Variants in RELN observed in about 807,000 individuals in gnomAD.
RELN encodes the protein reelin.
RELN carries 108 observed loss-of-function variants against 427.6 expected under a neutral mutation model. That is an observed-to-expected ratio of 0.25 (90% CI 0.22 to 0.30). The LOEUF (loss-of-function observed/expected upper bound fraction) is 0.30. Among genes scored for constraint, RELN ranks in the 10% least tolerant of loss-of-function variants. The pLI is 1.00. For missense variants in RELN, 3,715 were observed against 4,302.8 expected (o/e 0.86, Z 3.82); for synonymous variants, 1,524 against 1,513.4 (o/e 1.01, Z -0.16).
chr7:103,786,238 G>A (rs1018452984), intron 3 of RELN, among the ~76,000 whole-genome samples: 55 of 152,008 alleles, frequency 3.6e-4, no homozygotes, highest in African/African-American at 1.3e-3. Flanking sequence ...ATACTAAGGA[G>A]AGATAATCAC....
intron 1 of RELN, among the ~76,000 whole-genome samples, chr7:103,931,743 C>G (rs1795870142): frequency 6.6e-6 from 1 of 152,198 alleles, no homozygotes; most frequent in Admixed American, 6.5e-5. Flanking sequence ...GGATGTCATA[C>G]TTCTGCCTCT....
chr7:103,891,551 C>T (rs1220062185), intron 2 of RELN, among the ~76,000 whole-genome samples: 3 of 151,992 alleles, frequency 2.0e-5, no homozygotes, highest in Non-Finnish European at 4.4e-5. Context: ...AGCTTTTTGG[C>T]GAATTTCTGC....
intron 1 of RELN, among the ~76,000 whole-genome samples, chr7:103,943,682 C>A (rs1348782187): frequency 6.6e-6 from 1 of 151,748 alleles, no homozygotes; most frequent in Non-Finnish European, 1.5e-5. Context: ...GAAACCCTGT[C>A]TCTACTAAAG....
Position 103,540,380 on chromosome 7 carries a change from C to T in RELN, c.6747G>A (p.Gln2249=), listed in dbSNP as rs1197417084. Residue 2249 remains glutamine (Q), a synonymous_variant, in exon 44 of 65, where the codon CAG becomes CAA. Coordinates refer to ENST00000428762, the MANE Select transcript of RELN (RefSeq NM_005045.4). ...ACGAGAGGCCACCGTTGAGAGAATA[C>T]TGTAGGAGCACGGGTTGACTCCTGG... ...PDPRSQPVLL[Q]YSLNGGLSWS... The T allele has an allele frequency of 1.9e-6, 3 of 1,614,148 alleles. No individual in the cohort carries two copies. The highest frequency in any genetic ancestry group is 2.5e-6 in the Non-Finnish European group (3 of 1,180,024).
intron 52 of RELN, among the ~76,000 whole-genome samples, chr7:103,502,405 G>GT (rs1321091404): frequency 1.3e-5 from 2 of 152,164 alleles, no homozygotes; most frequent in African/African-American, 4.8e-5. Flanking sequence ...TTTCTTTTGT[G>GT]TATCTTTACT....
At chr7:103,698,239 A>C (rs1040832933) in intron 9 of RELN, 146 bp from the exon 10 acceptor site, 56 of 998,158 alleles carry the variant, frequency 5.6e-5, no homozygotes, top group Non-Finnish European at 7.9e-5. Context: ...ATAGCCCTTA[A>C]ATCTTTTAAT....
At chr7:103,930,868 A>ATGTGTG (rs60265174) in intron 1 of RELN, among the ~76,000 whole-genome samples, 12,363 of 141,818 alleles carry the variant, frequency 0.087, 589 homozygotes, top group East Asian at 0.21. Flanking sequence ...GTGTGAGCAT[A>ATGTGTG]TGTGTGTGTG....
intron 1 of RELN, among the ~76,000 whole-genome samples, chr7:103,938,140 G>A (rs1382210100): frequency 6.6e-6 from 1 of 152,030 alleles, no homozygotes; most frequent in Non-Finnish European, 1.5e-5. Flanking sequence ...GGCCAACATG[G>A]TAAAACCCTG....
At chr7:103,746,418 G>T (rs1218585489) in intron 6 of RELN, among the ~76,000 whole-genome samples, 1 of 151,936 alleles carries the variant, frequency 6.6e-6, no homozygotes, top group East Asian at 1.9e-4. Flanking sequence ...TTGACAAATG[G>T]GATCTAATTA....
chr7:103,528,964 C>T (rs192697782), intron 46 of RELN, among the ~76,000 whole-genome samples: 119 of 151,748 alleles, frequency 7.8e-4, no homozygotes, highest in African/African-American at 2.8e-3. Flanking sequence ...GGTGAAACCC[C>T]GTCTCTACTA....
At chr7:103,739,880 C>T (rs998889678) in intron 6 of RELN, among the ~76,000 whole-genome samples, 2 of 152,170 alleles carry the variant, frequency 1.3e-5, no homozygotes, top group Non-Finnish European at 2.9e-5. Flanking sequence ...AAAAGATGCC[C>T]ATGGCCCAGG....
rs778110918 is a variant in RELN, at chr7:103,519,313, G to T, written c.7862+10C>A. 6.2e-7 allele frequency: 1 copy of T among 1,603,390 alleles called. No individual in the cohort carries two copies. Among genetic ancestry groups the T allele is most frequent in the Non-Finnish European group, 8.5e-7 (1 of 1,170,354 alleles). ...TGTACTCGTTATTAGATATCAAATC[G>T]AATACAAACCCGGGCTTACTGTACT... On this transcript the variant is annotated intron_variant, in intron 49 of 64. Coordinates refer to ENST00000428762, the MANE Select transcript of RELN (RefSeq NM_005045.4).
At chr7:103,523,865 C>T (rs1048270660) in intron 46 of RELN, among the ~76,000 whole-genome samples, 1 of 151,932 alleles carries the variant, frequency 6.6e-6, no homozygotes, top group Non-Finnish European at 1.5e-5. Context: ...TTAGGGGAGA[C>T]AGAGTTTCAC....
chr7:103,720,221 A>G (rs1790043200), intron 8 of RELN, among the ~76,000 whole-genome samples: 1 of 151,532 alleles, frequency 6.6e-6, no homozygotes, highest in South Asian at 2.1e-4. Flanking sequence ...GAACTGAGAG[A>G]GTATTGCTGC....
intron 36 of RELN, among the ~76,000 whole-genome samples, chr7:103,558,571 G>A (rs968206891): frequency 3.3e-5 from 5 of 152,160 alleles, no homozygotes; most frequent in Non-Finnish European, 7.3e-5. Flanking sequence ...AGTTAAATAA[G>A]GCATAACTAA....
intron 24 of RELN, among the ~76,000 whole-genome samples, chr7:103,602,904 A>G (rs941419579): frequency 6.6e-6 from 1 of 152,140 alleles, no homozygotes; most frequent in African/African-American, 2.4e-5. Flanking sequence ...TGCTGCCCAT[A>G]ACCTCTAAGC....
chr7:103,551,946 T>TGC (rs1562886676), intron 40 of RELN, among the ~76,000 whole-genome samples: 18 of 150,206 alleles, frequency 1.2e-4, no homozygotes, highest in Admixed American at 6.0e-4. Flanking sequence ...TGGGTGTGTG[T>TGC]GTGTGTGTGT....
rs146740807 is a variant in RELN, at chr7:103,607,365, G to C, written c.3009-2882C>G. Among the ~76,000 whole-genome samples, 311 of 152,280 alleles carry C rather than the reference G, an allele frequency of 2.0e-3. 3 individuals carry two copies. The highest frequency in any genetic ancestry group is 6.9e-3 in the African/African-American group (288 of 41,560). On this transcript the variant is annotated intron_variant, in intron 22 of 64. Coordinates refer to ENST00000428762, the MANE Select transcript of RELN (RefSeq NM_005045.4). Reference sequence around the variant, plus strand: ...TTGAGAAAAAAAATTAGTTGTGTGAGCAATCTCCAGCTGTCACACGTGAGA... The same window carrying C: ...TTGAGAAAAAAAATTAGTTGTGTGACCAATCTCCAGCTGTCACACGTGAGA...
intron 27 of RELN, among the ~76,000 whole-genome samples, chr7:103,590,317 A>G (rs1377209943): frequency 2.0e-5 from 3 of 152,246 alleles, no homozygotes; most frequent in African/African-American, 7.2e-5. Context: ...TAATCCCAGC[A>G]CTTTGGGAGG....
Sources: allele counts gnomAD v4.1 joint callset (sites outside exome capture counted in the v4.1 genomes callset), GRCh38; gene constraint gnomAD v4.1.1; transcripts MANE v1.5; gene names NCBI Gene and HGNC (gene_info 2026-07-23, HGNC 2026-07-21).